Variants in TNFAIP1 observed in about 807,000 individuals in gnomAD.
TNFAIP1 encodes the protein TNF alpha induced protein 1.
TNFAIP1 carries 20 observed loss-of-function variants against 32.6 expected under a neutral mutation model. That is an observed-to-expected ratio of 0.61 (90% CI 0.43 to 0.89). The LOEUF (loss-of-function observed/expected upper bound fraction) is 0.89. Ranked by LOEUF, TNFAIP1 falls within the 40% of genes least tolerant of loss-of-function variation. The pLI, the probability that TNFAIP1 is intolerant of heterozygous loss-of-function variation, is 0.00. For missense variants in TNFAIP1, 319 were observed against 425.1 expected (o/e 0.75, Z 2.20); for synonymous variants, 166 against 166.8 (o/e 1.00, Z 0.04).
At chr17:28,339,752 G>A (rs565027773) in intron 2 of TNFAIP1, 26 bp downstream of exon 2, 3 of 1,607,428 alleles carry the variant, frequency 1.9e-6, no homozygotes, top group South Asian at 2.2e-5. Context: ...TGCCGCTCGG[G>A]GTGGGGAGGG....
At chr17:28,339,229 C>T (rs1453632114) in intron 1 of TNFAIP1, among the ~76,000 whole-genome samples, 179 bp from the exon 2 acceptor site, 1 of 148,662 alleles carries the variant, frequency 6.7e-6, no homozygotes, top group Non-Finnish European at 1.5e-5. Flanking sequence ...CAGAGTGAGA[C>T]CCTGTCTCTA....
At position 28,342,265 on chromosome 17, in the gene TNFAIP1, G is replaced by C; in HGVS notation, c.537G>C (p.Leu179=). 1 of 1,583,946 alleles carries C rather than the reference G, an allele frequency of 6.3e-7. No individual in the cohort carries two copies. The highest frequency in any genetic ancestry group is 8.7e-7 in the Non-Finnish European group (1 of 1,155,026). ...YSYTSNSDDH[L]LKNIELFDKL... Reference sequence around the variant, plus strand: ...TTTTCAGCAACTCTGACGACCACCTGCTGAAAAACATCGAGCTGTTTGACA... The same window carrying C: ...TTTTCAGCAACTCTGACGACCACCTCCTGAAAAACATCGAGCTGTTTGACA... Residue 179 remains leucine (L), a synonymous_variant, in exon 6 of 7, where the codon CTG becomes CTC. Coordinates refer to ENST00000226225, the MANE Select transcript of TNFAIP1 (RefSeq NM_021137.5). This position sits in a 1 kb window ranked among gnomAD's most constrained non-coding sequence, Gnocchi z 4.0.
intron 5 of TNFAIP1, 131 bp downstream of exon 5, chr17:28,341,587 GA>G (rs34565131): frequency 2.2e-5 from 22 of 991,044 alleles, no homozygotes; most frequent in Non-Finnish European, 3.2e-5. Flanking sequence ...GGGAAAAACA[GA>G]AAGTAGAAGG....
In TNFAIP1 at chr17:28,342,576, G is replaced by C; in HGVS notation, c.714+134G>C. ...TTTTTCCAAACACGGTAATGGTGCT[G>C]GGCAAGGACAAGGCCAGAACAAGGG... On this transcript the variant is annotated intron_variant, in intron 6 of 6. Coordinates refer to ENST00000226225, the MANE Select transcript of TNFAIP1 (RefSeq NM_021137.5). The surrounding 1 kb of genome is among the most constrained non-coding windows in gnomAD (Gnocchi z 4.0). 1.1e-6 allele frequency: 1 copy of C among 884,304 alleles called. No individual in the cohort carries two copies. 54.8% of individuals were successfully genotyped at this position (884,304 alleles called of 1,614,324 possible). A position where few individuals can be genotyped will look rare whatever the true frequency, so the allele number is the denominator to read the frequency against.
Position 28,345,473 on chromosome 17 carries a change from G to A in TNFAIP1, c.*873G>A, listed in dbSNP as rs1169568397. ...CATCACTGACTCCTAGGTCTAGCAC[G>A]ACTGCTCTTTGTGATTCTCTTGAGT... On this transcript the variant is annotated 3_prime_UTR_variant, in exon 7 of 7. Transcript: ENST00000226225. The A allele has an allele frequency of 2.0e-5, 3 of 152,296 alleles. No individual in the cohort carries two copies. Among genetic ancestry groups the A allele is most frequent in the Non-Finnish European group, 4.4e-5 (3 of 68,052 alleles). 9.4% of individuals were successfully genotyped at this position (152,296 alleles called of 1,614,324 possible).
In TNFAIP1 at chr17:28,339,656, C is replaced by T; in HGVS notation, c.135C>T (p.Ala45=). The T allele has an allele frequency of 1.2e-6, 2 of 1,613,518 alleles. No homozygotes were observed. The highest frequency in any genetic ancestry group is 1.1e-5 in the South Asian group (1 of 91,078). Reference sequence around the variant, plus strand: ...CTCTGTACTACACCACTGTGCGGGCCCTGACCCGCCACGACACCATGCTCA... The same window carrying T: ...CTCTGTACTACACCACTGTGCGGGCTCTGACCCGCCACGACACCATGCTCA... The part of the protein sequence containing the change: ...GGSLYYTTVR[A]LTRHDTMLKA... Residue 45 remains alanine (A), a synonymous_variant, in exon 2 of 7, where the codon GCC becomes GCT. Coordinates refer to ENST00000226225, the MANE Select transcript of TNFAIP1 (RefSeq NM_021137.5).
Position 28,340,607 on chromosome 17 carries a change from C to A in TNFAIP1, c.375+129C>A. On this transcript the variant is annotated intron_variant, in intron 3 of 6. Transcript: ENST00000226225. This position sits in a 1 kb window ranked among gnomAD's most constrained non-coding sequence, Gnocchi z 4.1. ...GTTGATGAGTGCAAACCTAATGAGA[C>A]AAGTGAGATGCCACCCAGGCCCACC... is the stretch of plus-strand genomic sequence containing the variant. The A allele has an allele frequency of 9.3e-7, 1 of 1,069,986 alleles. No homozygotes were observed. Among genetic ancestry groups the A allele is most frequent in the Non-Finnish European group, 1.3e-6 (1 of 750,822 alleles). The allele number at this position is 1,069,986 out of a possible 1,614,324, so 66.3% of individuals were successfully genotyped here.
chr17:28,341,448 C>G lies in TNFAIP1; in HGVS notation c.510C>G (p.Ser170=). 2 of 1,614,126 alleles carry G rather than the reference C, an allele frequency of 1.2e-6. No individual in the cohort carries two copies. The highest frequency in any genetic ancestry group is 1.7e-6 in the Non-Finnish European group (2 of 1,179,986). ...ACAACAGAAGCAACAACAAGTATTC[C>G]TACACCAGGTAGGGTGCGTCACAGG... The part of the protein sequence containing the change: ...LLYNRSNNKY[S]YTSNSDDHLL... The change falls in exon 5 of 7, where the codon TCC becomes TCG. Residue 170 remains serine, a synonymous_variant. Transcript: ENST00000226225.
chr17:28,338,408 C>T (rs1354786780), intron 1 of TNFAIP1, among the ~76,000 whole-genome samples: 33 of 152,192 alleles, frequency 2.2e-4, no homozygotes, highest in Non-Finnish European at 1.9e-4. Flanking sequence ...AGCTGTTCTT[C>T]CCTGAAAAAT....
chr17:28,338,742 C>A (rs3093720), intron 1 of TNFAIP1, among the ~76,000 whole-genome samples: 11,518 of 151,978 alleles, frequency 0.076, 590 homozygotes, highest in Non-Finnish European at 0.11. Flanking sequence ...TCCTGGGAAC[C>A]TTGACAAGAA....
intron 6 of TNFAIP1, 93 bp from the exon 7 acceptor site, chr17:28,344,271 G>A: frequency 9.2e-7 from 1 of 1,082,932 alleles, no homozygotes; most frequent in Non-Finnish European, 1.4e-6. Context: ...AGAGGTAGCG[G>A]AGGCCTTATG....
intron 6 of TNFAIP1, 37 bp from the exon 7 acceptor site, chr17:28,344,327 T>C (rs782308463): frequency 1.1e-5 from 17 of 1,582,082 alleles, no homozygotes; most frequent in South Asian, 8.8e-5. Context: ...CTCTTGAAGA[T>C]GAAACCTTGC....
chr17:28,344,389 A>T lies in TNFAIP1; in HGVS notation c.740A>T (p.Tyr247Phe), dbSNP rs202073255. ...TKVEFPEARI[Y>F]EETLNVLLYE... ...GTGGAATTCCCAGAGGCCCGAATCT[A>T]TGAGGAGACACTCAACGTCCTACTC... Residue 247 changes from tyrosine to phenylalanine, a missense_variant, in exon 7 of 7, where the codon TAT (tyrosine) becomes TTT (phenylalanine). Tyr to Phe is a conservative substitution (Grantham distance 22). Transcript: ENST00000226225. 4 of 1,613,746 alleles carry T rather than the reference A, an allele frequency of 2.5e-6. No homozygotes were observed. In the East Asian group the frequency reaches 8.9e-5, roughly 36 times the overall value.
chr17:28,343,628 CG>C (rs1567787636), intron 6 of TNFAIP1, among the ~76,000 whole-genome samples: 1 of 151,902 alleles, frequency 6.6e-6, no homozygotes, highest in Admixed American at 6.6e-5. Flanking sequence ...GATGCTGCGA[CG>C]GAAGTGGCAG....
intron 6 of TNFAIP1, 73 bp from the exon 7 acceptor site, chr17:28,344,291 G>A (rs1464346555): frequency 3.6e-6 from 5 of 1,378,970 alleles, no homozygotes; most frequent in Non-Finnish European, 5.1e-6. Context: ...GGAGCCTCAG[G>A]GCCAGCCGCT....
rs201646341 is a variant in TNFAIP1, at chr17:28,344,432, C to T, written c.783C>T (p.Val261=). 5.3e-5 allele frequency: 85 copies of T among 1,613,876 alleles called. No homozygotes were observed. Among genetic ancestry groups the T allele is most frequent in the East Asian group, 2.2e-5 (1 of 44,898 alleles). Residue 261 remains valine (V), a synonymous_variant, in exon 7 of 7, where the codon GTC becomes GTT. Transcript: ENST00000226225. ...TCCTACTCTATGAGACTCCCCGCGT[C>T]CCCGACAACTCCTTGTTGGAGGCCA... ...LNVLLYETPR[V]PDNSLLEATS...
intron 5 of TNFAIP1, among the ~76,000 whole-genome samples, chr17:28,341,717 C>T (rs1597794625): frequency 6.6e-6 from 1 of 152,214 alleles, no homozygotes; most frequent in South Asian, 2.1e-4. Context: ...TGTTTTCACA[C>T]GTGTCATCCT....
At position 28,345,413 on chromosome 17, in the gene TNFAIP1, G is replaced by GTT; in HGVS notation, c.*814_*815insTT. The GTT allele has an allele frequency of 6.6e-6, 1 of 152,430 alleles. No individual in the cohort carries two copies. Among genetic ancestry groups the GTT allele is most frequent in the South Asian group, 2.1e-4 (1 of 4,828 alleles). The allele number at this position is 152,430 out of a possible 1,614,324, so 9.4% of individuals were successfully genotyped here. On this transcript the variant is annotated 3_prime_UTR_variant, in exon 7 of 7. Coordinates refer to ENST00000226225, the MANE Select transcript of TNFAIP1 (RefSeq NM_021137.5). The stretch of plus-strand genomic sequence containing the variant: ...GACCGGCAGTCCTCACAGGGTGCCT[G>GTT]TGAGAAAGGACATTTTACCCCCACA...
chr17:28,341,802 C>T (rs1907371541), intron 5 of TNFAIP1, among the ~76,000 whole-genome samples: 1 of 152,152 alleles, frequency 6.6e-6, no homozygotes, highest in Non-Finnish European at 1.5e-5. Context: ...CACACTGGGC[C>T]GATTCCCTCC....
Sources: allele counts gnomAD v4.1 joint callset (sites outside exome capture counted in the v4.1 genomes callset), GRCh38; gene constraint gnomAD v4.1.1; non-coding constraint Gnocchi (gnomAD v3.1); transcripts MANE v1.5; gene names NCBI Gene and HGNC (gene_info 2026-07-23, HGNC 2026-07-21).